Variants in DOK4 observed in about 807,000 individuals in gnomAD.
The protein encoded by DOK4 is docking protein 4.
In DOK4, 26 loss-of-function variants were observed where a neutral mutation model predicts 40.1. That is an observed-to-expected ratio of 0.65 (90% CI 0.48 to 0.90). DOK4 has a LOEUF of 0.90. Among genes scored for constraint, DOK4 ranks in the 40% least tolerant of loss-of-function variants. The pLI, the probability that DOK4 is intolerant of heterozygous loss-of-function variation, is 0.00. For synonymous variants in DOK4, 179 were observed against 177.0 expected, an observed-to-expected ratio of 1.01 and a Z score of -0.09; for missense variants, 392 against 437.2, an observed-to-expected ratio of 0.90 and a Z score of 0.92.
exon 9 of DOK4, chr16:57,473,068 G>T: frequency 3.0e-6 from 1 of 330,952 alleles, no homozygotes. Flanking sequence ...AAAAATTTGT[G>T]TGTATTGGTG....
At chr16:57,486,135 T>C (rs1360910682) in intron 1 of DOK4, among the ~76,000 whole-genome samples, 170 bp downstream of exon 1, 2 of 151,836 alleles carry the variant, frequency 1.3e-5, no homozygotes, top group Non-Finnish European at 2.9e-5. Context: ...GCACTGGCTT[T>C]TGGGGGGCGG....
At chr16:57,474,831 A>G (rs1361686067) in exon 6 of DOK4, 4 of 1,614,026 alleles carry the variant, frequency 2.5e-6, no homozygotes, top group Non-Finnish European at 3.4e-6. Context: ...CATCCCGGCC[A>G]TAGCGGCGCA....
chr16:57,475,584 G>T, exon 4 of DOK4: 1 of 1,608,704 alleles, frequency 6.2e-7, no homozygotes, highest in Non-Finnish European at 8.5e-7. Flanking sequence ...TCCTTGGGGA[G>T]CCGCGTAACA....
chr16:57,483,230 A>AG (rs1211001555), intron 1 of DOK4, among the ~76,000 whole-genome samples: 21 of 151,750 alleles, frequency 1.4e-4, no homozygotes, highest in African/African-American at 1.9e-4. Flanking sequence ...TCAAGTGGTG[A>AG]GGGGGGGGCC....
intron 2 of DOK4, among the ~76,000 whole-genome samples, chr16:57,477,127 G>T (rs2031215154): frequency 6.6e-6 from 1 of 152,214 alleles, no homozygotes; most frequent in East Asian, 1.9e-4. Flanking sequence ...GAGGCCAGGG[G>T]GCCTCTAGGC....
intron 3 of DOK4, 106 bp downstream of exon 3, chr16:57,475,744 C>T: frequency 1.3e-6 from 1 of 777,104 alleles, no homozygotes; most frequent in Middle Eastern, 3.0e-4. Context: ...TCCTCTCCCT[C>T]TCTCCCCCTT....
rs770775814 is a variant in DOK4 at position 57,479,580 on chromosome 16, G to A, written c.-73C>T. On this transcript the variant is annotated 5_prime_UTR_variant, in exon 2 of 9. Transcript: ENST00000340099. The surrounding 1 kb of genome is among the most constrained non-coding windows in gnomAD (Gnocchi z 5.8). The stretch of plus-strand genomic sequence containing the variant: ...AGGATGCCCAGGTGCCTGGGTCTCC[G>A]GCTCCTCCAATCACCTGTTCCAGAC... 2.5e-5 allele frequency: 38 copies of A among 1,534,968 alleles called. No homozygotes were observed. The highest frequency in any genetic ancestry group is 6.7e-5 in the Admixed American group (4 of 59,752).
Position 57,479,337 on chromosome 16 carries a change from C to A in DOK4, c.66+105G>T. The A allele has an allele frequency of 7.7e-7, 1 of 1,305,712 alleles. No individual in the cohort carries two copies. The highest frequency in any genetic ancestry group is 1.1e-6 in the Non-Finnish European group (1 of 933,048). 80.9% of individuals were successfully genotyped at this position (1,305,712 alleles called of 1,614,324 possible). On this transcript the variant is annotated intron_variant, in intron 2 of 8. Coordinates refer to ENST00000340099, the Ensembl canonical transcript of DOK4. This position sits in a 1 kb window ranked among gnomAD's most constrained non-coding sequence, Gnocchi z 5.8. ...ACCACAGATGCACGATGCCCGGCAG[C>A]CGGAGGGCAGCCGCGTGCCCCACGC...
At chr16:57,477,882 G>C (rs1228123406) in intron 2 of DOK4, among the ~76,000 whole-genome samples, 1 of 152,190 alleles carries the variant, frequency 6.6e-6, no homozygotes, top group Non-Finnish European at 1.5e-5. Context: ...TCCCTGCATG[G>C]ATAGGGCCTG....
At chr16:57,473,445 T>C (rs1450652114) in exon 9 of DOK4, 4 of 1,614,216 alleles carry the variant, frequency 2.5e-6, no homozygotes, top group Non-Finnish European at 3.4e-6. Context: ...AGGATGAATC[T>C]GTTGAGGAGG....
chr16:57,475,482 TGGAGGCCCATA>T lies in DOK4; in HGVS notation c.289+13_289+23del, dbSNP rs2031106000. 2 of 1,574,972 alleles carry T rather than the reference TGGAGGCCCATA, an allele frequency of 1.3e-6. No homozygotes were observed. Among genetic ancestry groups the T allele is most frequent in the African/African-American group, 2.7e-5 (2 of 74,208 alleles). ...CCAAGACCACCCCAGGGGAGGCAGA[TGGAGGCCCATA>T]CTCGCGCCTCACCTGAGTCGCAGGT... On this transcript the variant is annotated intron_variant, in intron 4 of 8. Transcript: ENST00000340099.
intron 7 of DOK4, 38 bp downstream of exon 7, chr16:57,473,863 C>CCG: frequency 6.4e-7 from 1 of 1,569,452 alleles, no homozygotes; most frequent in Non-Finnish European, 8.7e-7. Context: ...CCCGTTCCCC[C>CCG]CTCCCCCCGT....
In DOK4 at chr16:57,479,599, TC is replaced by T. The variant is rs1419436794; in HGVS notation, c.-93del. On this transcript the variant is annotated 5_prime_UTR_variant, in exon 2 of 9. Coordinates refer to ENST00000340099, the Ensembl canonical transcript of DOK4. This position sits in a 1 kb window ranked among gnomAD's most constrained non-coding sequence, Gnocchi z 5.8. ...GTCTCCGGCTCCTCCAATCACCTGT[TC>T]CAGACACTCTGTCGGGGCTGCCGCG... The T allele has an allele frequency of 2.1e-6, 3 of 1,414,564 alleles. No individual in the cohort carries two copies. The Admixed American group carries it at 5.1e-5, about 24-fold the overall frequency. The allele number at this position is 1,414,564 out of a possible 1,614,324, so 87.6% of individuals were successfully genotyped here. A position where few individuals can be genotyped will look rare whatever the true frequency, so the allele number is the denominator to read the frequency against.
exon 1 of DOK4, chr16:57,486,356 A>T (rs1163169945): frequency 6.6e-6 from 1 of 150,798 alleles, no homozygotes; most frequent in Non-Finnish European, 1.5e-5. Context: ...GCCGCGGAGC[A>T]GGCTCATGCC....
At chr16:57,481,708 C>T (rs2031414573) in intron 1 of DOK4, 1 of 152,228 alleles carries the variant, frequency 6.6e-6, no homozygotes, top group Admixed American at 6.5e-5. Context: ...AGTGTGAATC[C>T]AGCTGGCTGT....
At chr16:57,473,527 A>T (rs764835643) in intron 8 of DOK4, 32 bp from the exon 9 acceptor site, 1 of 1,614,208 alleles carries the variant, frequency 6.2e-7, no homozygotes, top group Admixed American at 1.7e-5. Context: ...CAGAACTCAG[A>T]GCTAGGTCAA....
chr16:57,483,994 G>C (rs1350451022), intron 1 of DOK4: 2 of 152,322 alleles, frequency 1.3e-5, no homozygotes, highest in Non-Finnish European at 2.9e-5. Context: ...TTCCGCGCAG[G>C]GAGAGCCAGC....
In DOK4 at chr16:57,476,533, T is replaced by C. The variant is rs2031189401; in HGVS notation, c.67-576A>G. Among the ~76,000 whole-genome samples the C allele has an allele frequency of 2.0e-5, 3 of 152,158 alleles. No individual in the cohort carries two copies. In the South Asian group the frequency reaches 6.2e-4, roughly 31 times the overall value. On this transcript the variant is annotated intron_variant, in intron 2 of 8. Coordinates refer to ENST00000340099, the Ensembl canonical transcript of DOK4. ...GATTAGACCCTTCCCCCTGCCCACC[T>C]GTACATCCCCGTGCCCCTAGTTCTC...
chr16:57,482,979 C>T lies in DOK4; in HGVS notation c.-181-3291G>A, dbSNP rs551187996. Among the ~76,000 whole-genome samples, 202 of 152,308 alleles carry T rather than the reference C, an allele frequency of 1.3e-3. 2 individuals are homozygous for T. The highest frequency in any genetic ancestry group is 6.8e-3 in the East Asian group (35 of 5,182). On this transcript the variant is annotated intron_variant, in intron 1 of 8. Transcript: ENST00000340099. ...CTGCGTCTGTCCATAGGCCCCACCC[C>T]GTCCCATACCCCAGGTCCCCAGCGG...
Sources: allele counts gnomAD v4.1 joint callset (sites outside exome capture counted in the v4.1 genomes callset), GRCh38; gene constraint gnomAD v4.1.1; non-coding constraint Gnocchi (gnomAD v3.1); transcripts MANE v1.5; gene names NCBI Gene and HGNC (gene_info 2026-07-23, HGNC 2026-07-21).